RTN1: variants seen among roughly 807,000 people sequenced by gnomAD.
The protein encoded by RTN1 is reticulon 1.
A neutral mutation model predicts 65.5 loss-of-function variants in RTN1; 25 were observed. That is an observed-to-expected ratio of 0.38 (90% CI 0.28 to 0.53). RTN1 has a LOEUF of 0.53. Among genes scored for constraint, RTN1 ranks in the 20% least tolerant of loss-of-function variants. RTN1 has a pLI of 0.79. For synonymous variants in RTN1, 471 were observed against 447.6 expected (o/e 1.05, Z -0.66); for missense variants, 983 against 1,025.4 (o/e 0.96, Z 0.57).
At chr14:59,756,210 T>G (rs934369212) in intron 1 of RTN1, among the ~76,000 whole-genome samples, 1 of 152,214 alleles carries the variant, frequency 6.6e-6, no homozygotes, top group Non-Finnish European at 1.5e-5. Context: ...CTTGGAATCA[T>G]GTTTTGGATT....
chr14:59,657,833 C>T lies in RTN1; in HGVS notation c.1766-50341G>A, dbSNP rs577526249. On this transcript the variant is annotated intron_variant, in intron 3 of 8. Transcript: ENST00000267484. ...ACTGGACAGCCATTTGGGCAGACAC[C>T]GAGCTAGCTGCAGGAGTTTTTTTTC... Among the ~76,000 whole-genome samples the T allele has an allele frequency of 9.6e-5, 14 of 146,458 alleles. No individual in the cohort carries two copies. In the South Asian group the frequency reaches 1.5e-3, roughly 16 times the overall value.
rs150518434 is a variant in RTN1 at position 59,649,637 on chromosome 14, A to G, written c.1766-42145T>C. Among the ~76,000 whole-genome samples the G allele has an allele frequency of 6.0e-4, 91 of 152,372 alleles. 2 individuals are homozygous for G. In the South Asian group the frequency reaches 7.0e-3, roughly 12 times the overall value. ...AAGAAGACATTTATGTGGCTAACAA[A>G]CATTTGAAAAAAAGCTCATCATCAC... is the stretch of plus-strand genomic sequence containing the variant. On this transcript the variant is annotated intron_variant, in intron 3 of 8. Coordinates refer to ENST00000267484, the MANE Select transcript of RTN1 (RefSeq NM_021136.3).
chr14:59,787,868 T>A (rs1229136772), intron 1 of RTN1, among the ~76,000 whole-genome samples: 1 of 152,082 alleles, frequency 6.6e-6, no homozygotes, highest in East Asian at 1.9e-4. Context: ...CTTGTATATA[T>A]CCTTCGGTAA....
intron 3 of RTN1, among the ~76,000 whole-genome samples, chr14:59,702,703 T>G (rs1371437930): frequency 6.6e-6 from 1 of 152,224 alleles, no homozygotes; most frequent in African/African-American, 2.4e-5. Context: ...GAAGAGCCTC[T>G]GATGGGTCTT....
In RTN1 at chr14:59,754,337, G is replaced by A. The variant is rs542406936; in HGVS notation, c.242-7856C>T. The stretch of plus-strand genomic sequence containing the variant: ...TTTAAAAATTCTCTGGCAACACTAA[G>A]GGATAGGATGACAACGATGACTTGC... On this transcript the variant is annotated intron_variant, in intron 1 of 8. Transcript: ENST00000267484. Among the ~76,000 whole-genome samples, 11 of 152,300 alleles carry A rather than the reference G, an allele frequency of 7.2e-5. 1 individual carries two copies. The highest frequency in any genetic ancestry group is 2.0e-4 in the Admixed American group (3 of 15,286).
At chr14:59,647,205 G>A (rs1189789884) in intron 3 of RTN1, among the ~76,000 whole-genome samples, 1 of 152,068 alleles carries the variant, frequency 6.6e-6, no homozygotes, top group Non-Finnish European at 1.5e-5. Context: ...AAAAAGACAA[G>A]AGCGTTACAT....
chr14:59,613,207 A>G lies in RTN1; in HGVS notation c.1766-5715T>C, dbSNP rs111587005. 2.7e-3 allele frequency among the ~76,000 whole-genome samples: 414 copies of G among 152,376 alleles called. 1 individual carries two copies. Among genetic ancestry groups the G allele is most frequent in the African/African-American group, 8.9e-3 (372 of 41,590 alleles). ...TTGGCCACTTGGCATGGCTAACATC[A>G]GGTAATAAGAAATATGAAAGGATTT... On this transcript the variant is annotated intron_variant, in intron 3 of 8. Coordinates refer to ENST00000267484, the MANE Select transcript of RTN1 (RefSeq NM_021136.3).
chr14:59,603,599 T>C (rs1881648212), intron 6 of RTN1, among the ~76,000 whole-genome samples: 1 of 151,814 alleles, frequency 6.6e-6, no homozygotes. Context: ...CAAATATATA[T>C]ATTACAAGCC....
chr14:59,747,705 A>G (rs968063192), intron 1 of RTN1, among the ~76,000 whole-genome samples: 4 of 152,242 alleles, frequency 2.6e-5, no homozygotes, highest in Non-Finnish European at 5.9e-5. Flanking sequence ...ACCATACCAG[A>G]GCATACATTG....
At chr14:59,662,279 T>C (rs1462054792) in intron 3 of RTN1, among the ~76,000 whole-genome samples, 2 of 151,884 alleles carry the variant, frequency 1.3e-5, no homozygotes, top group African/African-American at 4.8e-5. Flanking sequence ...TCATTTACAT[T>C]ACGTATATCT....
chr14:59,648,369 A>C (rs1347230122), intron 3 of RTN1, among the ~76,000 whole-genome samples: 1 of 152,196 alleles, frequency 6.6e-6, no homozygotes, highest in Admixed American at 6.5e-5. Context: ...AAATAAAGAA[A>C]GAAGAGCTGG....
At chr14:59,608,747 G>A (rs77477749) in intron 3 of RTN1, among the ~76,000 whole-genome samples, 3,001 of 152,192 alleles carry the variant, frequency 0.02, 97 homozygotes, top group African/African-American at 0.069. Context: ...ACTCCAGTAG[G>A]CAGACCTTTG....
At chr14:59,806,813 C>A (rs1886647550) in intron 1 of RTN1, among the ~76,000 whole-genome samples, 1 of 152,236 alleles carries the variant, frequency 6.6e-6, no homozygotes, top group African/African-American at 2.4e-5. Context: ...TTATTTATAG[C>A]TGCATAGTAT....
chr14:59,601,657 C>G (rs1881582393), intron 8 of RTN1, among the ~76,000 whole-genome samples: 1 of 152,164 alleles, frequency 6.6e-6, no homozygotes, highest in Admixed American at 6.5e-5. Flanking sequence ...TCTAGAACTT[C>G]TATCTTCCAG....
chr14:59,623,490 A>G (rs750824506), intron 3 of RTN1, among the ~76,000 whole-genome samples: 7 of 152,236 alleles, frequency 4.6e-5, no homozygotes, highest in Non-Finnish European at 8.8e-5. Flanking sequence ...ACCGGGATCA[A>G]AGGAAGAGAT....
intron 1 of RTN1, among the ~76,000 whole-genome samples, chr14:59,832,265 GT>G (rs2139642496): frequency 6.6e-6 from 1 of 152,118 alleles, no homozygotes; most frequent in African/African-American, 2.4e-5. Context: ...GAACAATTTG[GT>G]TGCATGAGCT....
At chr14:59,643,120 A>G (rs914437986) in intron 3 of RTN1, among the ~76,000 whole-genome samples, 4 of 152,150 alleles carry the variant, frequency 2.6e-5, no homozygotes, top group Admixed American at 6.5e-5. Context: ...AAAAAGAAAG[A>G]ACACAAGGCC....
Position 59,870,277 on chromosome 14 carries a change from G to T in RTN1, c.241+113C>A. On this transcript the variant is annotated intron_variant, in intron 1 of 8. Transcript: ENST00000267484. The surrounding 1 kb of genome is among the most constrained non-coding windows in gnomAD (Gnocchi z 5.1). ...CCCGTGGCGACGCGGGGGTGGGGTC[G>T]GCGCTCAAGGCAGAAAGCGCGAGGC... 1 of 1,101,364 alleles carries T rather than the reference G, an allele frequency of 9.1e-7. No individual in the cohort carries two copies. The highest frequency in any genetic ancestry group is 1.2e-6 in the Non-Finnish European group (1 of 851,830). The allele number at this position is 1,101,364 out of a possible 1,614,324, so 68.2% of individuals were successfully genotyped here.
At chr14:59,767,768 CT>C (rs1052086894) in intron 1 of RTN1, among the ~76,000 whole-genome samples, 9 of 152,178 alleles carry the variant, frequency 5.9e-5, no homozygotes, top group Admixed American at 5.2e-4. Flanking sequence ...TCCTTTAGTT[CT>C]TTCTCCCTTC....
Sources: gnomAD v4.1 joint callset for allele counts (sites outside exome capture counted in the v4.1 genomes callset) on GRCh38, gnomAD v4.1.1 for gene constraint, Gnocchi (gnomAD v3.1) non-coding constraint, MANE v1.5 for transcripts, NCBI Gene and HGNC (gene_info 2026-07-23, HGNC 2026-07-21) for gene names.